The following PTPRG variants were observed in gnomAD, a reference collection of about 807,000 sequenced individuals.
PTPRG encodes the protein receptor-type tyrosine-protein phosphatase gamma.
A neutral mutation model predicts 165.3 loss-of-function variants in PTPRG; 102 were observed. The observed-to-expected ratio is 0.62, with a 90% CI of 0.53 to 0.73. The LOEUF is 0.73. PTPRG is among the 30% of genes least tolerant of loss of function. PTPRG has a pLI of 0.00. For synonymous variants in PTPRG, 675 were observed against 669.5 expected, an observed-to-expected ratio of 1.01 and a Z score of -0.13; for missense variants, 1,866 against 1,861.4, an observed-to-expected ratio of 1.00 and a Z score of -0.05.
intron 1 of PTPRG, among the ~76,000 whole-genome samples, chr3:61,690,949 TTTTGGGGTGAA>T (rs1212593926): frequency 6.6e-6 from 1 of 152,200 alleles, no homozygotes; most frequent in Non-Finnish European, 1.5e-5. Context: ...GAATGATTGA[TTTTGGGGTGAA>T]TTGCTATGTT....
At chr3:62,272,496 C>G (rs2148874553) in intron 21 of PTPRG, among the ~76,000 whole-genome samples, 1 of 152,132 alleles carries the variant, frequency 6.6e-6, no homozygotes, top group Middle Eastern at 3.4e-3. Flanking sequence ...GTCGCTTGTT[C>G]TGTGATTTAT....
intron 15 of PTPRG, among the ~76,000 whole-genome samples, chr3:62,248,707 G>C: frequency 6.6e-6 from 1 of 152,180 alleles, no homozygotes; most frequent in East Asian, 1.9e-4. Flanking sequence ...CATATTGAAA[G>C]AGCTTTCCTA....
chr3:61,905,665 A>G (rs538205584), intron 2 of PTPRG, among the ~76,000 whole-genome samples: 31 of 152,336 alleles, frequency 2.0e-4, no homozygotes, highest in Admixed American at 9.8e-4. Context: ...ATCAAGAGAG[A>G]ACTTCTGAAG....
At chr3:62,265,682 T>C (rs1701840167) in intron 17 of PTPRG, among the ~76,000 whole-genome samples, 1 of 152,110 alleles carries the variant, frequency 6.6e-6, no homozygotes, top group Non-Finnish European at 1.5e-5. Flanking sequence ...GTCAAACCTC[T>C]CCCTAGTCTT....
intron 2 of PTPRG, among the ~76,000 whole-genome samples, chr3:61,947,887 GAC>G (rs908854012): frequency 2.0e-5 from 3 of 152,186 alleles, no homozygotes; most frequent in African/African-American, 7.2e-5. Flanking sequence ...AGGAGGCCCT[GAC>G]CAGACCCTGC....
intron 2 of PTPRG, among the ~76,000 whole-genome samples, chr3:61,788,665 T>C (rs2034782775): frequency 6.6e-6 from 1 of 152,246 alleles, no homozygotes; most frequent in African/African-American, 2.4e-5. Flanking sequence ...CAGTTTGTTC[T>C]AGACCAGAGG....
chr3:61,907,174 A>G (rs17065584), intron 2 of PTPRG, among the ~76,000 whole-genome samples: 4,925 of 152,068 alleles, frequency 0.032, 279 homozygotes, highest in African/African-American at 0.11. Context: ...GTGTCATAGT[A>G]AATATTTATT....
chr3:61,781,461 GT>G (rs2034542741), intron 2 of PTPRG, among the ~76,000 whole-genome samples: 1 of 152,086 alleles, frequency 6.6e-6, no homozygotes, highest in Non-Finnish European at 1.5e-5. Flanking sequence ...ACTCTGTTTT[GT>G]GTGGATCAGT....
chr3:61,722,410 A>G (rs2032090345), intron 1 of PTPRG, among the ~76,000 whole-genome samples: 1 of 152,212 alleles, frequency 6.6e-6, no homozygotes, highest in South Asian at 2.1e-4. Flanking sequence ...TGGGGGATAC[A>G]TTCAAATTAT....
chr3:62,205,410 C>T (rs1700203776), intron 12 of PTPRG, among the ~76,000 whole-genome samples: 1 of 152,190 alleles, frequency 6.6e-6, no homozygotes. Flanking sequence ...GGCAGTAGAA[C>T]ATAGGTAACA....
chr3:61,814,915 A>G (rs2107228371), intron 2 of PTPRG, among the ~76,000 whole-genome samples: 1 of 152,074 alleles, frequency 6.6e-6, no homozygotes, highest in South Asian at 2.1e-4. Flanking sequence ...TTGCTATTTC[A>G]TAAATAAAGA....
At chr3:61,816,070 A>G (rs2035753772) in intron 2 of PTPRG, among the ~76,000 whole-genome samples, 1 of 152,196 alleles carries the variant, frequency 6.6e-6, no homozygotes, top group Non-Finnish European at 1.5e-5. Context: ...GTTTGTTATG[A>G]AATCTGTAAC....
At chr3:62,099,526 G>T (rs1702218038) in intron 5 of PTPRG, among the ~76,000 whole-genome samples, 1 of 151,928 alleles carries the variant, frequency 6.6e-6, no homozygotes, top group Admixed American at 6.6e-5. Context: ...GGAATTATAT[G>T]ACCATTAAAA....
rs560538325 is a variant in PTPRG, at chr3:62,262,881, C to G, written c.2643C>G (p.Ile881Met). 9 of 1,611,024 alleles carry G rather than the reference C, an allele frequency of 5.6e-6. No homozygotes were observed. Among genetic ancestry groups the G allele is most frequent in the Admixed American group, 3.3e-5 (2 of 59,988 alleles). ...AAAACAAGCACAAAAACAGATACAT[C>G]AACATTTTAGCATGTGAGTAATAAG... ...HPENKHKNRY[I>M]NILAYDHSRV... The change falls in exon 17 of 30, where the codon ATC becomes ATG. Residue 881 changes from isoleucine (I) to methionine (M), a missense_variant. By Grantham distance (10) the Ile-to-Met change is conservative. This residue lies in a region of PTPRG where 1,452 missense variants were observed against 1,463.0 expected (regional missense o/e 0.99). Coordinates refer to ENST00000474889, the MANE Select transcript of PTPRG (RefSeq NM_002841.4).
intron 2 of PTPRG, among the ~76,000 whole-genome samples, chr3:61,776,909 TTTAC>T (rs1170998157): frequency 6.6e-6 from 1 of 152,144 alleles, no homozygotes; most frequent in Non-Finnish European, 1.5e-5. Context: ...CCTGTATAAC[TTTAC>T]TTACTATTTC....
intron 4 of PTPRG, among the ~76,000 whole-genome samples, chr3:62,048,614 A>C (rs1559766415): frequency 6.6e-6 from 1 of 152,180 alleles, no homozygotes; most frequent in Admixed American, 6.6e-5. Context: ...TTTTTAATCT[A>C]TCTCCCAGTT....
chr3:62,284,918 C>T (rs570012650), intron 28 of PTPRG, among the ~76,000 whole-genome samples: 27 of 152,204 alleles, frequency 1.8e-4, no homozygotes, highest in African/African-American at 6.3e-4. Flanking sequence ...TCCTGCATGC[C>T]ACCTTGCCCC....
chr3:62,036,932 G>T (rs116702234), intron 4 of PTPRG, among the ~76,000 whole-genome samples: 3,461 of 151,942 alleles, frequency 0.023, 57 homozygotes, highest in South Asian at 0.062. Flanking sequence ...ACTCAGGCTC[G>T]TTTGCCACCA....
intron 2 of PTPRG, among the ~76,000 whole-genome samples, chr3:61,912,057 G>T (rs2038814666): frequency 6.6e-6 from 1 of 152,014 alleles, no homozygotes; most frequent in Admixed American, 6.6e-5. Flanking sequence ...TTTTCTTTTT[G>T]TGAGTGGTGT....
Sources: allele counts gnomAD v4.1 joint callset (sites outside exome capture counted in the v4.1 genomes callset), GRCh38; gene constraint gnomAD v4.1.1; regional missense constraint gnomAD v4.1.1; transcripts MANE v1.5; gene names NCBI Gene and HGNC (gene_info 2026-07-23, HGNC 2026-07-21).